Variants in SLC22A11 observed in about 807,000 individuals in gnomAD.
SLC22A11 encodes organic anion transporter 4.
Under a neutral mutation model 49.4 loss-of-function variants are expected in SLC22A11, and 42 were observed. That is an observed-to-expected ratio of 0.85 (90% CI 0.66 to 1.10). The LOEUF (loss-of-function observed/expected upper bound fraction) is 1.10, where lower values mean the gene tolerates loss of function less well. Ranked by LOEUF, SLC22A11 falls within the 50% of genes least tolerant of loss-of-function variation. The probability of loss-of-function intolerance (pLI) is 0.00; values close to 1 mark genes in which losing one functional copy is unlikely to be tolerated. For synonymous variants in SLC22A11, 304 were observed against 315.8 expected (o/e 0.96, Z 0.40); for missense variants, 685 against 731.6 (o/e 0.94, Z 0.74).
intron 8 of SLC22A11, 107 bp downstream of exon 8, chr11:64,568,885 T>A: frequency 1.1e-6 from 1 of 949,648 alleles, no homozygotes; most frequent in South Asian, 1.4e-5. Flanking sequence ...CCAGGGCCGC[T>A]CAGGGTCCCC....
chr11:64,559,119 C>A lies in SLC22A11; in HGVS notation c.394-16C>A. ...TCATACCCCCCGAGCTGAGCCACTG[C>A]ACCCTCCTCTTGCAGTGGGACCTGG... On this transcript the variant is annotated splice_polypyrimidine_tract_variant and intron_variant, in intron 1 of 9. Transcript: ENST00000301891. 1.9e-6 allele frequency: 3 copies of A among 1,611,172 alleles called. No individual in the cohort carries two copies. Among genetic ancestry groups the A allele is most frequent in the Non-Finnish European group, 2.5e-6 (3 of 1,177,624 alleles).
chr11:64,560,232 C>G (rs1259176182), intron 2 of SLC22A11, among the ~76,000 whole-genome samples: 3 of 152,150 alleles, frequency 2.0e-5, no homozygotes, highest in Admixed American at 1.3e-4. Flanking sequence ...ACAGCATCCC[C>G]TTGCCTGAGC....
rs2038648488 is a variant in SLC22A11 at position 64,567,782 on chromosome 11, C to T, written c.1242C>T (p.Leu414=). Residue 414 remains leucine (L), a synonymous_variant, in exon 7 of 10, where the codon CTC becomes CTT. Coordinates refer to ENST00000301891, the MANE Select transcript of SLC22A11 (RefSeq NM_018484.4). ...IQAGSQAMAG[L]AILANMLVPQ... ...CGGGTTCCCAGGCCATGGCCGGCCT[C>T]GCCATTCTAGCCAACATGCTGGTGC... 1 of 1,608,224 alleles carries T rather than the reference C, an allele frequency of 6.2e-7. No individual in the cohort carries two copies. Among genetic ancestry groups the T allele is most frequent in the Non-Finnish European group, 8.5e-7 (1 of 1,178,336 alleles).
In SLC22A11 at chr11:64,568,682, T is replaced by C; in HGVS notation, c.1286T>C (p.Leu429Pro). 1 of 1,614,062 alleles carries C rather than the reference T, an allele frequency of 6.2e-7. No homozygotes were observed. Among genetic ancestry groups the C allele is most frequent in the Non-Finnish European group, 8.5e-7 (1 of 1,179,950 alleles). ...NMLVPQDLQT[L>P]RVVFAVLGKG... ...TTCCTGTACCCAGATTTGCAGACCC[T>C]GCGTGTGGTCTTTGCTGTGCTGGGA... Residue 429 changes from leucine to proline, a missense_variant, in exon 8 of 10, where the codon CTG becomes CCG. Coordinates refer to ENST00000301891, the MANE Select transcript of SLC22A11 (RefSeq NM_018484.4).
In SLC22A11 at chr11:64,565,387, G is replaced by GGCC. The variant is rs757721923; in HGVS notation, c.1058+52_1058+53insCGC. The stretch of plus-strand genomic sequence containing the variant: ...CAAGGCAGGGCTGGGACAGGCAGGA[G>GGCC]GCAGAGCTGGGACAGGCAGGAGGCA... On this transcript the variant is annotated intron_variant, in intron 6 of 9. Transcript: ENST00000301891. The surrounding 1 kb of genome is among the most constrained non-coding windows in gnomAD (Gnocchi z 4.1). 34 of 1,468,510 alleles carry GGCC rather than the reference G, an allele frequency of 2.3e-5. No homozygotes were observed. In the South Asian group the frequency reaches 4.1e-4, roughly 18 times the overall value. The allele number at this position is 1,468,510 out of a possible 1,614,324, so 91.0% of individuals were successfully genotyped here. A position where few individuals can be genotyped will look rare whatever the true frequency, so the allele number is the denominator to read the frequency against.
At chr11:64,568,419 C>A (rs1236033825) in intron 7 of SLC22A11, among the ~76,000 whole-genome samples, 3 of 152,234 alleles carry the variant, frequency 2.0e-5, no homozygotes, top group African/African-American at 7.2e-5. Context: ...GCAGCCTCCA[C>A]GGCCGGCCAG....
Position 64,565,456 on chromosome 11 carries a change from A to G in SLC22A11, c.1058+119A>G. The stretch of plus-strand genomic sequence containing the variant: ...GCACCCGCAGGCCTCAAGGGGGTGC[A>G]TTTCTGTCTGGGACAGGACGCAGAC... On this transcript the variant is annotated intron_variant, in intron 6 of 9. Coordinates refer to ENST00000301891, the MANE Select transcript of SLC22A11 (RefSeq NM_018484.4). This position sits in a 1 kb window ranked among gnomAD's most constrained non-coding sequence, Gnocchi z 4.1. 1.2e-6 allele frequency: 1 copy of G among 822,954 alleles called. No individual in the cohort carries two copies. Among genetic ancestry groups the G allele is most frequent in the South Asian group, 1.4e-5 (1 of 69,310 alleles). 51.0% of individuals were successfully genotyped at this position (822,954 alleles called of 1,614,324 possible).
rs745952645 is a variant in SLC22A11 at position 64,556,229 on chromosome 11, G to C, written c.230G>C (p.Gly77Ala). 4.3e-6 allele frequency: 7 copies of C among 1,613,836 alleles called. No homozygotes were observed. Among genetic ancestry groups the C allele is most frequent in the Non-Finnish European group, 5.1e-6 (6 of 1,180,020 alleles). The change falls in exon 1 of 10, where the codon GGC becomes GCC. Residue 77 changes from glycine to alanine, a missense_variant. Gly to Ala is a moderately conservative substitution (Grantham distance 60, BLOSUM62 0). Coordinates refer to ENST00000301891, the MANE Select transcript of SLC22A11 (RefSeq NM_018484.4). ...KALLTISIPP[G>A]PNQGPHQCRR... Reference sequence around the variant, plus strand: ...CTTCTGACCATCTCCATCCCGCCAGGCCCCAACCAGGGGCCCCACCAGTGC... The same window carrying C: ...CTTCTGACCATCTCCATCCCGCCAGCCCCCAACCAGGGGCCCCACCAGTGC...
chr11:64,559,098 A>G (rs369020079), intron 1 of SLC22A11, 37 bp from the exon 2 acceptor site: 16 of 1,575,500 alleles, frequency 1.0e-5, no homozygotes, highest in Non-Finnish European at 1.4e-5. Context: ...GTGATTTCAT[A>G]CCCCCCGAGC....
At position 64,556,267 on chromosome 11, in the gene SLC22A11, C is replaced by G; in HGVS notation, c.268C>G (p.Gln90Glu). ...GCCCCACCAGTGCCGCCGCTTCCGC[C>G]AGCCACAGTGGCAGCTCTTGGACCC... ...QGPHQCRRFR[Q>E]PQWQLLDPNA... Residue 90 changes from glutamine (Q) to glutamate (E), a missense_variant, in exon 1 of 10, where the codon CAG (glutamine) becomes GAG (glutamate). By Grantham distance (29) the Gln-to-Glu change is conservative (BLOSUM62 2). Coordinates refer to ENST00000301891, the MANE Select transcript of SLC22A11 (RefSeq NM_018484.4). The G allele has an allele frequency of 6.2e-7, 1 of 1,614,042 alleles. No homozygotes were observed. Among genetic ancestry groups the G allele is most frequent in the Non-Finnish European group, 8.5e-7 (1 of 1,180,042 alleles).
intron 8 of SLC22A11, 59 bp downstream of exon 8, chr11:64,568,837 G>A (rs1253441056): frequency 3.4e-6 from 5 of 1,477,196 alleles, no homozygotes; most frequent in African/African-American, 1.5e-5. Flanking sequence ...GAGGGCGGTG[G>A]GAAGGGAAAG....
At chr11:64,570,825 T>G (rs2038693796) in intron 9 of SLC22A11, among the ~76,000 whole-genome samples, 154 bp from the exon 10 acceptor site, 1 of 152,196 alleles carries the variant, frequency 6.6e-6, no homozygotes, top group South Asian at 2.1e-4. Flanking sequence ...ACCTACTATG[T>G]TTCAGGCACT....
intron 2 of SLC22A11, among the ~76,000 whole-genome samples, chr11:64,561,434 C>A (rs2038541965): frequency 6.6e-6 from 1 of 152,112 alleles, no homozygotes; most frequent in Non-Finnish European, 1.5e-5. Flanking sequence ...GCATCTGATG[C>A]CCAAACCTGT....
At position 64,559,051 on chromosome 11, in the gene SLC22A11, A is replaced by G. The variant is rs978977830; in HGVS notation, c.394-84A>G. Reference sequence around the variant, plus strand: ...CTGGCACTGGGAGTCCAGGGACCCCAGTGTGGGTCAGGCGTTCCTCGGCCG... The same window carrying G: ...CTGGCACTGGGAGTCCAGGGACCCCGGTGTGGGTCAGGCGTTCCTCGGCCG... On this transcript the variant is annotated intron_variant, in intron 1 of 9. Coordinates refer to ENST00000301891, the MANE Select transcript of SLC22A11 (RefSeq NM_018484.4). 2.6e-6 allele frequency: 3 copies of G among 1,167,504 alleles called. No homozygotes were observed. The African/African-American group carries it at 4.5e-5, about 18-fold the overall frequency. 72.3% of individuals were successfully genotyped at this position (1,167,504 alleles called of 1,614,324 possible). A position where few individuals can be genotyped will look rare whatever the true frequency, so the allele number is the denominator to read the frequency against.
In SLC22A11 at chr11:64,571,033, C is replaced by G. The variant is rs768593990; in HGVS notation, c.1644C>G (p.Thr548=). The G allele has an allele frequency of 1.1e-5, 18 of 1,614,112 alleles. No homozygotes were observed. In the South Asian group the frequency reaches 1.9e-4, roughly 17 times the overall value. ...AAGAGGCCGTCACTGTGGAAAGTACCTCGCTCTAGAAATTGTGCCTGCATG... is the reference window on the plus strand; with the variant it reads ...AAGAGGCCGTCACTGTGGAAAGTACGTCGCTCTAGAAATTGTGCCTGCATG... ...NRQEAVTVES[T]SL Residue 548 remains threonine, a synonymous_variant, in exon 10 of 10, where the codon ACC becomes ACG. Transcript: ENST00000301891.
At position 64,562,570 on chromosome 11, in the gene SLC22A11, G is replaced by A. The variant is rs1342337550; in HGVS notation, c.821+135G>A. 3.4e-5 allele frequency: 32 copies of A among 928,370 alleles called. No homozygotes were observed. Among genetic ancestry groups the A allele is most frequent in the Admixed American group, 1.2e-4 (4 of 34,192 alleles). 57.5% of individuals were successfully genotyped at this position (928,370 alleles called of 1,614,324 possible). A position where few individuals can be genotyped will look rare whatever the true frequency, so the allele number is the denominator to read the frequency against. On this transcript the variant is annotated intron_variant, in intron 4 of 9. Coordinates refer to ENST00000301891, the MANE Select transcript of SLC22A11 (RefSeq NM_018484.4). The surrounding 1 kb of genome is among the most constrained non-coding windows in gnomAD (Gnocchi z 4.4). ...GGGCCATGGCATGAGCGGCACCCTC[G>A]CTAGGGAGGGACATTGGTGATTGGC...
chr11:64,559,081 C>T, intron 1 of SLC22A11, 54 bp from the exon 2 acceptor site: 2 of 1,513,354 alleles, frequency 1.3e-6, no homozygotes, highest in South Asian at 1.1e-5. Flanking sequence ...CGGCCGTGCC[C>T]AGCCCTGTGA....
In SLC22A11 at chr11:64,555,965, G is replaced by T. The variant is rs766919159; in HGVS notation, c.-35G>T. ...TGCAATCGGTTCCAAACAGCAGTTA[G>T]GTCAGCAGTCCGCTCAGCCGAGGCA... On this transcript the variant is annotated 5_prime_UTR_variant, in exon 1 of 10. In the 5' UTR this introduces an upstream ATG that the reference lacks. Transcript: ENST00000301891. 3.9e-6 allele frequency: 6 copies of T among 1,557,166 alleles called. No individual in the cohort carries two copies. The Admixed American group carries it at 9.0e-5, about 23-fold the overall frequency.
At chr11:64,559,025 C>T (rs1332117584) in intron 1 of SLC22A11, 110 bp from the exon 2 acceptor site, 10 of 887,648 alleles carry the variant, frequency 1.1e-5, no homozygotes, top group Non-Finnish European at 1.7e-5. Context: ...ACCTCTGTGA[C>T]CTGGCACTGG....
Sources: allele counts gnomAD v4.1 joint callset (sites outside exome capture counted in the v4.1 genomes callset), GRCh38; gene constraint gnomAD v4.1.1; non-coding constraint Gnocchi (gnomAD v3.1); transcripts MANE v1.5; gene names NCBI Gene and HGNC (gene_info 2026-07-23, HGNC 2026-07-21).